The following COL4A1 variants were observed in gnomAD, a reference collection of about 807,000 sequenced individuals.
The protein encoded by COL4A1 is collagen type IV alpha 1 chain.
In COL4A1, 40 loss-of-function variants were observed where a neutral mutation model predicts 216.6. That is an observed-to-expected ratio of 0.18 (90% CI 0.14 to 0.24). The LOEUF (loss-of-function observed/expected upper bound fraction) is 0.24, where lower values mean the gene tolerates loss of function less well. Among genes scored for constraint, COL4A1 ranks in the 10% least tolerant of loss-of-function variants. The pLI, the probability that COL4A1 is intolerant of heterozygous loss-of-function variation, is 1.00. For synonymous variants in COL4A1, 839 were observed against 810.7 expected (o/e 1.03, Z -0.59); for missense variants, 1,628 against 2,196.8 (o/e 0.74, Z 5.18).
At chr13:110,155,224 G>T (rs900235115) in intron 50 of COL4A1, 59 bp downstream of exon 50, 2 of 1,276,914 alleles carry the variant, frequency 1.6e-6, no homozygotes, top group African/African-American at 1.5e-5. Flanking sequence ...AGACAGAGGC[G>T]ACTATGGGGC....
intron 18 of COL4A1, 35 bp downstream of exon 18, chr13:110,203,531 G>A (rs770482005): frequency 5.6e-6 from 9 of 1,611,772 alleles, no homozygotes; most frequent in Admixed American, 3.3e-5. Flanking sequence ...CTCCCCCAGC[G>A]CTCTCACAGA....
chr13:110,215,560 CAA>C (rs869160688), intron 2 of COL4A1, among the ~76,000 whole-genome samples: 14 of 65,590 alleles, frequency 2.1e-4, no homozygotes, highest in African/African-American at 6.1e-4. Context: ...GACTCTGTCT[CAA>C]AAAAAAAAAA....
intron 2 of COL4A1, among the ~76,000 whole-genome samples, chr13:110,225,737 C>A (rs1057452144): frequency 1.3e-5 from 2 of 152,190 alleles, no homozygotes; most frequent in Non-Finnish European, 2.9e-5. Flanking sequence ...CGGGTGAGCA[C>A]GCGGAGCTCC....
At chr13:110,158,171 A>G (rs1876880208) in intron 49 of COL4A1, among the ~76,000 whole-genome samples, 1 of 152,212 alleles carries the variant, frequency 6.6e-6, no homozygotes, top group Admixed American at 6.5e-5. Flanking sequence ...GAAAAGTGCC[A>G]TTCTGGAAGT....
In COL4A1 at chr13:110,307,117, C is replaced by G. The variant is rs113651836; in HGVS notation, c.-90G>C. 5.9e-5 allele frequency: 64 copies of G among 1,082,608 alleles called. No homozygotes were observed. In the African/African-American group the frequency reaches 9.3e-4, roughly 16 times the overall value. The allele number at this position is 1,082,608 out of a possible 1,614,324, so 67.1% of individuals were successfully genotyped here. A position where few individuals can be genotyped will look rare whatever the true frequency, so the allele number is the denominator to read the frequency against. On this transcript the variant is annotated 5_prime_UTR_variant, in exon 1 of 52. Transcript: ENST00000375820. The surrounding 1 kb of genome is among the most constrained non-coding windows in gnomAD (Gnocchi z 5.0). The stretch of plus-strand genomic sequence containing the variant: ...CTCTCGGAAGGCCGGACTTCCAGCG[C>G]TACGCACCGTCCCGGGTGCGGCGGC...
At chr13:110,252,895 T>C (rs1447388721) in intron 1 of COL4A1, among the ~76,000 whole-genome samples, 1 of 37,428 alleles carries the variant, frequency 2.7e-5, no homozygotes, top group South Asian at 1.4e-3. Context: ...TACGTATGTA[T>C]TACATATACA....
chr13:110,256,697 C>T (rs1882586710), intron 1 of COL4A1, among the ~76,000 whole-genome samples: 1 of 152,094 alleles, frequency 6.6e-6, no homozygotes, highest in Admixed American at 6.6e-5. Context: ...GAGGGGTTTG[C>T]ATCCACTTTA....
At chr13:110,257,607 C>G (rs192002285) in intron 1 of COL4A1, among the ~76,000 whole-genome samples, 4 of 152,308 alleles carry the variant, frequency 2.6e-5, no homozygotes, top group Admixed American at 2.6e-4. Context: ...GTGCCAAGAG[C>G]TATCTCTCCA....
chr13:110,179,859 A>G (rs1878067215), intron 29 of COL4A1, among the ~76,000 whole-genome samples: 3 of 152,170 alleles, frequency 2.0e-5, no homozygotes, highest in Admixed American at 2.0e-4. Context: ...CCAGTTATTT[A>G]GTTTTTTGGA....
chr13:110,176,765 T>C, intron 34 of COL4A1, 41 bp from the exon 35 acceptor site: 2 of 1,613,758 alleles, frequency 1.2e-6, no homozygotes, highest in East Asian at 2.2e-5. Flanking sequence ...CCGCATTTGC[T>C]TGCAAGCAAG....
Position 110,211,994 on chromosome 13 carries a change from T to C in COL4A1, c.388-72A>G. 1.4e-6 allele frequency: 2 copies of C among 1,402,892 alleles called. No individual in the cohort carries two copies. The highest frequency in any genetic ancestry group is 2.0e-6 in the Non-Finnish European group (2 of 987,398). 86.9% of individuals were successfully genotyped at this position (1,402,892 alleles called of 1,614,324 possible). On this transcript the variant is annotated intron_variant, in intron 6 of 51. Transcript: ENST00000375820. This position sits in a 1 kb window ranked among gnomAD's most constrained non-coding sequence, Gnocchi z 4.3. ...CACATCAGCCCTGACATCGCATGCA[T>C]CACTCTGCCCTACCCTTCATTTGTT... is the stretch of plus-strand genomic sequence containing the variant.
intron 2 of COL4A1, among the ~76,000 whole-genome samples, chr13:110,233,015 AGTGAC>A (rs1442923864): frequency 6.6e-6 from 1 of 152,186 alleles, no homozygotes; most frequent in Non-Finnish European, 1.5e-5. Context: ...TGTGTGTATC[AGTGAC>A]GTCCAAGGCA....
At chr13:110,279,208 G>C (rs1038099056) in intron 1 of COL4A1, among the ~76,000 whole-genome samples, 1 of 152,024 alleles carries the variant, frequency 6.6e-6, no homozygotes, top group African/African-American at 2.4e-5. Context: ...TCCTTTTCCA[G>C]CTATGTCTCC....
chr13:110,306,873 G>T (rs565657189), intron 1 of COL4A1, 71 bp downstream of exon 1: 10 of 1,363,516 alleles, frequency 7.3e-6, no homozygotes, highest in Non-Finnish European at 8.6e-6. Context: ...GTCCAGGCGC[G>T]GACAAAGGGG....
chr13:110,299,626 C>T (rs1273462819), intron 1 of COL4A1, among the ~76,000 whole-genome samples: 1 of 152,224 alleles, frequency 6.6e-6, no homozygotes, highest in Admixed American at 6.5e-5. Context: ...GGGCCTGTGA[C>T]TGGTGCACAA....
At chr13:110,297,791 T>C (rs1884333083) in intron 1 of COL4A1, among the ~76,000 whole-genome samples, 1 of 152,216 alleles carries the variant, frequency 6.6e-6, no homozygotes, top group African/African-American at 2.4e-5. Flanking sequence ...TATTTCCTAA[T>C]TCAGAGTAAG....
At chr13:110,203,655 T>C in intron 17 of COL4A1, 48 bp from the exon 18 acceptor site, 1 of 1,598,702 alleles carries the variant, frequency 6.3e-7, no homozygotes, top group Non-Finnish European at 8.6e-7. Context: ...CTATAAAGAT[T>C]GTCTTGCAGA....
intron 21 of COL4A1, among the ~76,000 whole-genome samples, chr13:110,197,348 G>A (rs1283950349): frequency 6.6e-6 from 1 of 151,988 alleles, no homozygotes; most frequent in African/African-American, 2.4e-5. Flanking sequence ...AGGACAGCAG[G>A]ATCTGTTGAG....
chr13:110,237,926 T>C (rs1881395364), intron 2 of COL4A1, among the ~76,000 whole-genome samples: 1 of 152,236 alleles, frequency 6.6e-6, no homozygotes, highest in African/African-American at 2.4e-5. Flanking sequence ...CTTCCCAGAT[T>C]TCCTGGGCCA....
Sources: gnomAD v4.1 joint callset for allele counts (sites outside exome capture counted in the v4.1 genomes callset) on GRCh38, gnomAD v4.1.1 for gene constraint, Gnocchi (gnomAD v3.1) non-coding constraint, MANE v1.5 for transcripts, NCBI Gene and HGNC (gene_info 2026-07-23, HGNC 2026-07-21) for gene names.